Variants in BPIFB3 observed in about 807,000 individuals in gnomAD.
The protein encoded by BPIFB3 is BPI fold containing family B member 3.
In BPIFB3, 49 loss-of-function variants were observed where a neutral mutation model predicts 53.1. The ratio of observed to expected loss-of-function variants is 0.92; its 90% CI spans 0.73 to 1.17. The LOEUF (loss-of-function observed/expected upper bound fraction) is 1.17. BPIFB3 is among the 50% of genes most tolerant of loss of function. BPIFB3 has a pLI of 0.00. For synonymous variants in BPIFB3, 271 were observed against 269.6 expected, an observed-to-expected ratio of 1.01 and a Z score of -0.05; for missense variants, 628 against 592.5, an observed-to-expected ratio of 1.06 and a Z score of -0.62.
chr20:33,064,353 T>C (rs187672742), intron 6 of BPIFB3, 104 bp from the exon 8 acceptor site: 2 of 910,590 alleles, frequency 2.2e-6, no homozygotes, highest in Non-Finnish European at 1.8e-6. Flanking sequence ...GAATGCTTAG[T>C]AGAGTGCTAG....
At chr20:33,068,140 A>G (rs1388480667) in intron 9 of BPIFB3, among the ~76,000 whole-genome samples, 1 of 152,238 alleles carries the variant, frequency 6.6e-6, no homozygotes, top group Admixed American at 6.5e-5. Context: ...CACAAAGGGC[A>G]AAAGGTGAAA....
exon 4 of BPIFB3, chr20:33,059,962 C>T: frequency 6.2e-7 from 1 of 1,614,154 alleles, no homozygotes; most frequent in Non-Finnish European, 8.5e-7. Context: ...GCCGTGAGCT[C>T]AAGGGGCACA....
At position 33,064,786 on chromosome 20, in the gene BPIFB3, AC is replaced by A; in HGVS notation, c.867del (p.Thr290ArgfsTer26). 2 of 1,613,970 alleles carry A rather than the reference AC, an allele frequency of 1.2e-6. No homozygotes were observed. The highest frequency in any genetic ancestry group is 1.7e-6 in the Non-Finnish European group (2 of 1,180,002). ...GATGGTGCCACTGTACCTCTTCAAC[AC>A]CACGTTTGGACTCCTGCAGACCAAC... On this transcript the variant is annotated frameshift_variant, in exon 8 of 15. Coordinates refer to ENST00000375494, the Ensembl canonical transcript of BPIFB3. LOFTEE classifies it high-confidence loss of function.
chr20:33,064,814 G>A (rs778295688), exon 8 of BPIFB3: 2 of 1,613,612 alleles, frequency 1.2e-6, no homozygotes, highest in Non-Finnish European at 1.7e-6. Context: ...CAGACCAACG[G>A]CGCCCTCGAC....
chr20:33,059,448 A>G, exon 3 of BPIFB3: 4 of 1,612,668 alleles, frequency 2.5e-6, no homozygotes, highest in Non-Finnish European at 2.5e-6. Context: ...GGTGCAGCTG[A>G]GCCTGCACAC....
At chr20:33,060,764 C>CT (rs1980421717) in intron 4 of BPIFB3, among the ~76,000 whole-genome samples, 1 of 152,108 alleles carries the variant, frequency 6.6e-6, no homozygotes. Flanking sequence ...GGGGTTTCAC[C>CT]ATGTTGGCCA....
At chr20:33,060,633 C>T (rs1235378269) in intron 4 of BPIFB3, among the ~76,000 whole-genome samples, 2 of 152,072 alleles carry the variant, frequency 1.3e-5, no homozygotes, top group African/African-American at 4.8e-5. Context: ...GCAGTGGTGC[C>T]ATCTCGGCTC....
exon 3 of BPIFB3, chr20:33,059,447 G>T (rs757040585): frequency 6.2e-7 from 1 of 1,612,676 alleles, no homozygotes; most frequent in Non-Finnish European, 8.5e-7. Flanking sequence ...GGGTGCAGCT[G>T]AGCCTGCACA....
Position 33,059,133 on chromosome 20 carries a change from G to A in BPIFB3, c.282-245G>A, listed in dbSNP as rs149046656. Among the ~76,000 whole-genome samples, 46 of 152,216 alleles carry A rather than the reference G, an allele frequency of 3.0e-4. No individual in the cohort carries two copies. The East Asian group carries it at 8.7e-3, about 29-fold the overall frequency. Reference sequence around the variant, plus strand: ...ATAGGACATTTGTTGAGCACACACCGTACCAGGTTCTGCACTCGAATTATC... The same window carrying A: ...ATAGGACATTTGTTGAGCACACACCATACCAGGTTCTGCACTCGAATTATC... On this transcript the variant is annotated intron_variant, in intron 2 of 14. Coordinates refer to ENST00000375494, the Ensembl canonical transcript of BPIFB3.
chr20:33,071,030 G>A (rs895636767), intron 11 of BPIFB3, among the ~76,000 whole-genome samples: 5 of 152,148 alleles, frequency 3.3e-5, no homozygotes, highest in East Asian at 1.9e-4. Context: ...AAGGCGCCAA[G>A]GCCAGAGGTG....
At chr20:33,059,605 A>C in intron 3 of BPIFB3, 123 bp downstream of exon 4, 6 of 746,150 alleles carry the variant, frequency 8.0e-6, no homozygotes, top group African/African-American at 1.9e-5. Flanking sequence ...CTTTCACCCT[A>C]TTTCCTCCCC....
At position 33,055,553 on chromosome 20, in the gene BPIFB3, C is replaced by T; in HGVS notation, c.124+6C>T. On this transcript the variant is annotated splice_donor_region_variant and intron_variant, in intron 1 of 14. Transcript: ENST00000375494. ...CAAGGATGAACTCGGCAAAGGTGAG[C>T]CCCAGGTGGGCAGTCTGTGAGGGGG... is the stretch of plus-strand genomic sequence containing the variant. 2 of 1,613,284 alleles carry T rather than the reference C, an allele frequency of 1.2e-6. No individual in the cohort carries two copies. Among genetic ancestry groups the T allele is most frequent in the East Asian group, 4.5e-5 (2 of 44,868 alleles).
At chr20:33,061,218 A>C (rs1980440492) in intron 4 of BPIFB3, among the ~76,000 whole-genome samples, 1 of 152,010 alleles carries the variant, frequency 6.6e-6, no homozygotes, top group African/African-American at 2.4e-5. Flanking sequence ...GGCTCCTTAA[A>C]TTCCAGTGGT....
At chr20:33,058,620 G>T (rs187345305) in intron 2 of BPIFB3, among the ~76,000 whole-genome samples, 8 of 151,954 alleles carry the variant, frequency 5.3e-5, no homozygotes, top group African/African-American at 1.9e-4. Context: ...TGTGAAATCC[G>T]CTTTCTTGGT....
exon 13 of BPIFB3, chr20:33,072,127 C>T: frequency 6.2e-7 from 1 of 1,614,182 alleles, no homozygotes. Flanking sequence ...AAGAATGGCT[C>T]AGCCATGTGG....
chr20:33,068,919 T>G (rs1323338056), exon 10 of BPIFB3: 1 of 1,614,070 alleles, frequency 6.2e-7, no homozygotes, highest in Non-Finnish European at 8.5e-7. Flanking sequence ...CCAACATCCA[T>G]GTGCTGTTCT....
exon 10 of BPIFB3, chr20:33,068,886 G>A: frequency 1.9e-6 from 3 of 1,614,058 alleles, no homozygotes; most frequent in Non-Finnish European, 2.5e-6. Flanking sequence ...TCCACAACAA[G>A]AAGGCCTTGG....
chr20:33,061,913 G>A (rs548460001), intron 5 of BPIFB3, 82 bp downstream of exon 6: 85 of 1,520,572 alleles, frequency 5.6e-5, no homozygotes, highest in East Asian at 2.0e-4. Context: ...GAAGTTTGGC[G>A]CCAGGCAGGA....
At chr20:33,065,908 G>T (rs1351129638) in intron 8 of BPIFB3, among the ~76,000 whole-genome samples, 1 of 152,214 alleles carries the variant, frequency 6.6e-6, no homozygotes, top group Non-Finnish European at 1.5e-5. Context: ...GCTGGGGAGA[G>T]GGTGTCTTCC....
Sources: gnomAD v4.1 joint callset for allele counts (sites outside exome capture counted in the v4.1 genomes callset) on GRCh38, gnomAD v4.1.1 for gene constraint, MANE v1.5 for transcripts, NCBI Gene and HGNC (gene_info 2026-07-23, HGNC 2026-07-21) for gene names.